AAK1: variants seen among roughly 807,000 people sequenced by gnomAD.
AAK1 encodes AP2-associated protein kinase 1.
AAK1 carries 37 observed loss-of-function variants against 116.0 expected under a neutral mutation model. The ratio of observed to expected loss-of-function variants is 0.32; its 90% CI spans 0.25 to 0.42. AAK1 has a LOEUF of 0.42. Among genes scored for constraint, AAK1 ranks in the 10% least tolerant of loss-of-function variants. AAK1 has a pLI of 1.00. For synonymous variants in AAK1, 458 were observed against 439.9 expected, an observed-to-expected ratio of 1.04 and a Z score of -0.51; for missense variants, 919 against 1,170.6, an observed-to-expected ratio of 0.79 and a Z score of 3.14.
At chr2:69,559,286 ACACACACACACACT>A (rs1164595194) in intron 2 of AAK1, among the ~76,000 whole-genome samples, 5 of 131,778 alleles carry the variant, frequency 3.8e-5, no homozygotes, top group Admixed American at 3.0e-4. Flanking sequence ...ACACACACAC[ACACACACACACACT>A]CTCTCTCTCC....
At position 69,482,253 on chromosome 2, in the gene AAK1, G is replaced by T. The variant is rs1675117229; in HGVS notation, c.2467+458C>A. ...TGTAATCTCAGCTACTCGGGAGGCTGAGGCAGGAGAATTGCTTGAACCCGG... is the reference window on the plus strand; with the variant it reads ...TGTAATCTCAGCTACTCGGGAGGCTTAGGCAGGAGAATTGCTTGAACCCGG... On this transcript the variant is annotated intron_variant, in intron 18 of 21. Transcript: ENST00000409085. 3 of 252,672 alleles carry T rather than the reference G, an allele frequency of 1.2e-5. No homozygotes were observed. In the South Asian group the frequency reaches 2.0e-4, roughly 17 times the overall value. 15.7% of individuals were successfully genotyped at this position (252,672 alleles called of 1,614,324 possible).
At chr2:69,493,322 C>T (rs199621679) in intron 17 of AAK1, among the ~76,000 whole-genome samples, 60 of 152,054 alleles carry the variant, frequency 3.9e-4, no homozygotes, top group Middle Eastern at 3.4e-3. Context: ...CGGGGCTAAA[C>T]GACCTGCTGA....
chr2:69,570,798 C>T (rs956791939), intron 2 of AAK1, among the ~76,000 whole-genome samples: 2 of 152,192 alleles, frequency 1.3e-5, no homozygotes, highest in Non-Finnish European at 2.9e-5. Context: ...GATTAAATCT[C>T]TTAATATGAT....
At chr2:69,527,805 T>C (rs1670084710) in intron 8 of AAK1, among the ~76,000 whole-genome samples, 1 of 152,258 alleles carries the variant, frequency 6.6e-6, no homozygotes, top group Admixed American at 6.5e-5. Flanking sequence ...AACGTATGCA[T>C]ATCTACTTTT....
chr2:69,579,504 G>A (rs889434498), intron 2 of AAK1, among the ~76,000 whole-genome samples: 3 of 152,170 alleles, frequency 2.0e-5, no homozygotes, highest in Non-Finnish European at 2.9e-5. Flanking sequence ...GCTTGGGCCC[G>A]GGAGGTGGAG....
chr2:69,557,444 G>A (rs149462868), intron 2 of AAK1, among the ~76,000 whole-genome samples: 1,649 of 151,972 alleles, frequency 0.011, 35 homozygotes, highest in African/African-American at 0.038. Flanking sequence ...TGGGATTACA[G>A]GTGTACACCA....
At chr2:69,594,604 C>T (rs1673180776) in intron 2 of AAK1, 2 of 488,914 alleles carry the variant, frequency 4.1e-6, no homozygotes, top group African/African-American at 2.0e-5. Context: ...CTAATTACCA[C>T]AGGCCGAAAG....
intron 19 of AAK1, among the ~76,000 whole-genome samples, chr2:69,479,408 T>A (rs940291286): frequency 1.3e-5 from 2 of 152,178 alleles, no homozygotes; most frequent in Non-Finnish European, 1.5e-5. Flanking sequence ...AGAGGATAAT[T>A]TTTTGCTCAG....
chr2:69,632,920 C>T (rs1326105848), intron 2 of AAK1, among the ~76,000 whole-genome samples: 9 of 152,094 alleles, frequency 5.9e-5, no homozygotes, highest in African/African-American at 2.2e-4. Context: ...GTAGTCCCAG[C>T]TACTCGGGAG....
At chr2:69,561,637 G>T (rs1671644630) in intron 2 of AAK1, among the ~76,000 whole-genome samples, 1 of 152,058 alleles carries the variant, frequency 6.6e-6, no homozygotes, top group Admixed American at 6.6e-5. Context: ...CCCATTTTAG[G>T]TGTACAGTTT....
In AAK1 at chr2:69,459,153, AAGTACCTCTGG is replaced by A. The variant is rs1264575462; in HGVS notation, c.*16705_*16715del. On this transcript the variant is annotated 3_prime_UTR_variant, in exon 22 of 22. Coordinates refer to ENST00000409085, the MANE Select transcript of AAK1 (RefSeq NM_014911.5). ...TAAACTTGACCCTGCATTCCGGGAA[AAGTACCTCTGG>A]GTTGTCACTACAGAGTAAGGCTGGG... The A allele has an allele frequency of 2.0e-5, 3 of 152,336 alleles. No individual in the cohort carries two copies. Among genetic ancestry groups the A allele is most frequent in the African/African-American group, 7.2e-5 (3 of 41,576 alleles). The allele number at this position is 152,336 out of a possible 1,614,324, so 9.4% of individuals were successfully genotyped here.
intron 2 of AAK1, among the ~76,000 whole-genome samples, chr2:69,613,290 GA>G (rs1229130812): frequency 1.3e-5 from 2 of 152,166 alleles, no homozygotes; most frequent in Admixed American, 1.3e-4. Context: ...TCCTGACACA[GA>G]GCACCTAAAA....
Position 69,461,142 on chromosome 2 carries a change from C to G in AAK1, c.*14727G>C, listed in dbSNP as rs775923395. On this transcript the variant is annotated 3_prime_UTR_variant, in exon 22 of 22. Coordinates refer to ENST00000409085, the MANE Select transcript of AAK1 (RefSeq NM_014911.5). ...TATTTTTACTGTACCTTTTCTATGT[C>G]TAAAATGTTTGGATACAGAAATACT... The G allele has an allele frequency of 2.0e-5, 3 of 152,192 alleles. No homozygotes were observed. Among genetic ancestry groups the G allele is most frequent in the Non-Finnish European group, 4.4e-5 (3 of 68,056 alleles). 9.4% of individuals were successfully genotyped at this position (152,192 alleles called of 1,614,324 possible). A position where few individuals can be genotyped will look rare whatever the true frequency, so the allele number is the denominator to read the frequency against.
rs376402053 is a variant in AAK1 at position 69,562,688 on chromosome 2, A to G, written c.164-5710T>C. Among the ~76,000 whole-genome samples the G allele has an allele frequency of 7.2e-4, 109 of 152,234 alleles. 1 individual carries two copies. In the South Asian group the frequency reaches 0.016, roughly 23 times the overall value. ...GGGCAGATCACAAAGTCAGGAGATC[A>G]AGACCATCCTGGCTAACACGATGAA... On this transcript the variant is annotated intron_variant, in intron 2 of 21. Coordinates refer to ENST00000409085, the MANE Select transcript of AAK1 (RefSeq NM_014911.5).
chr2:69,581,488 A>C (rs1189312566), intron 2 of AAK1, among the ~76,000 whole-genome samples: 2 of 152,190 alleles, frequency 1.3e-5, no homozygotes, highest in African/African-American at 4.8e-5. Context: ...ATGACTAGTG[A>C]AAAGTATTCT....
intron 2 of AAK1, among the ~76,000 whole-genome samples, chr2:69,611,616 T>TA (rs1269797757): frequency 6.6e-6 from 1 of 152,184 alleles, no homozygotes; most frequent in Non-Finnish European, 1.5e-5. Context: ...ATATACCTTA[T>TA]TGGTTCTGTC....
intron 5 of AAK1, among the ~76,000 whole-genome samples, chr2:69,538,902 G>C (rs1335843213): frequency 6.6e-6 from 1 of 151,962 alleles, no homozygotes; most frequent in East Asian, 1.9e-4. Context: ...AAAAAACAAA[G>C]TTAATATAAA....
intron 16 of AAK1, among the ~76,000 whole-genome samples, chr2:69,497,215 C>T (rs1374150813): frequency 3.0e-5 from 4 of 135,542 alleles, no homozygotes; most frequent in South Asian, 2.3e-4. Flanking sequence ...TGGGCTCAAG[C>T]GATCCTCCCA....
intron 2 of AAK1, among the ~76,000 whole-genome samples, chr2:69,572,620 TAAAAAAAAAAAA>T (rs768419313): frequency 2.8e-5 from 3 of 106,878 alleles, no homozygotes; most frequent in Non-Finnish European, 5.7e-5. Context: ...ACTCTGTCTT[TAAAAAAAAAAAA>T]AAAAAAAAAA....
Sources: gnomAD v4.1 joint callset for allele counts (sites outside exome capture counted in the v4.1 genomes callset) on GRCh38, gnomAD v4.1.1 for gene constraint, MANE v1.5 for transcripts, NCBI Gene and HGNC (gene_info 2026-07-23, HGNC 2026-07-21) for gene names.